DAXX: variants seen among roughly 807,000 people sequenced by gnomAD.
DAXX encodes the protein death domain associated protein.
In DAXX, 24 loss-of-function variants were observed where a neutral mutation model predicts 61.9. The ratio of observed to expected loss-of-function variants is 0.39; its 90% confidence interval spans 0.28 to 0.55. DAXX has a LOEUF of 0.55. Ranked by LOEUF, DAXX falls within the 20% of genes least tolerant of loss-of-function variation. DAXX has a pLI of 0.69. For missense variants in DAXX, 819 were observed against 935.3 expected, an observed-to-expected ratio of 0.88 and a Z score of 1.62; for synonymous variants, 357 against 369.5, an observed-to-expected ratio of 0.97 and a Z score of 0.39.
chr6:33,318,681 C>A lies in DAXX; in HGVS notation c.*62G>T, dbSNP rs377388966. 10 of 740,962 alleles carry A rather than the reference C, an allele frequency of 1.3e-5. No homozygotes were observed. The African/African-American group carries it at 1.8e-4, about 13-fold the overall frequency. 45.9% of individuals were successfully genotyped at this position (740,962 alleles called of 1,614,324 possible). ...AGTCCATCCCTTCCTCAGTCATCTG[C>A]TTCCCACCTTCCTCCAAATGTTATC... On this transcript the variant is annotated 3_prime_UTR_variant, in exon 8 of 8. Coordinates refer to ENST00000374542, the MANE Select transcript of DAXX (RefSeq NM_001141969.2).
Position 33,319,476 on chromosome 6 carries a change from C to T in DAXX, c.1844G>A (p.Gly615Glu). Reference protein sequence around the residue: ...AGMVSSTSFNGGVSPHNWGDS... With the variant: ...AGMVSSTSFNEGVSPHNWGDS... ...TCCCCAGTTGTGAGGAGAGACGCCTCCATTGAAGGAAGTAGAAGAGACCAT... is the reference window on the plus strand; with the variant it reads ...TCCCCAGTTGTGAGGAGAGACGCCTTCATTGAAGGAAGTAGAAGAGACCAT... The change falls in exon 6 of 8, where the codon GGA becomes GAA. Residue 615 changes from glycine to glutamate, a missense_variant. Physicochemically the swap from Gly to Glu is moderately conservative, Grantham distance 98. Coordinates refer to ENST00000374542, the MANE Select transcript of DAXX (RefSeq NM_001141969.2). 6.2e-7 allele frequency: 1 copy of T among 1,613,986 alleles called. No individual in the cohort carries two copies. The highest frequency in any genetic ancestry group is 8.5e-7 in the Non-Finnish European group (1 of 1,180,034).
chr6:33,320,914 C>T lies in DAXX; in HGVS notation c.861G>A (p.Gly287=), dbSNP rs2150994657. 2 of 1,614,186 alleles carry T rather than the reference C, an allele frequency of 1.2e-6. No individual in the cohort carries two copies. The highest frequency in any genetic ancestry group is 1.3e-5 in the African/African-American group (1 of 75,050). ...CCTTCTCTACAGCCCGAAGCACATCCCCATAGTCAGGGAAGGTATCAGGCC... is the reference window on the plus strand; with the variant it reads ...CCTTCTCTACAGCCCGAAGCACATCTCCATAGTCAGGGAAGGTATCAGGCC... ...KPGPDTFPDY[G]DVLRAVEKAA... Residue 287 remains glycine (G), a synonymous_variant, in exon 3 of 8, where the codon GGG becomes GGA. Transcript: ENST00000374542. The surrounding 1 kb of genome is among the most constrained non-coding windows in gnomAD (Gnocchi z 7.1).
chr6:33,319,154 G>T lies in DAXX; in HGVS notation c.2006C>A (p.Pro669Gln). The change falls in exon 7 of 8, where the codon CCA (proline) becomes CAA (glutamine). Residue 669 changes from proline to glutamine, a missense_variant. Physicochemically the swap from Pro to Gln is moderately conservative, Grantham distance 76. Coordinates refer to ENST00000374542, the MANE Select transcript of DAXX (RefSeq NM_001141969.2). ...NGKKICTLPSPPSPLASLAPV... is the reference protein window; with the variant it reads ...NGKKICTLPSQPSPLASLAPV... ...GGCCAAGGAAGCCAAGGGGGAAGGT[G>T]GGCTGGGCAGGGTACATATCTTTTT... The T allele has an allele frequency of 6.2e-7, 1 of 1,614,102 alleles. No individual in the cohort carries two copies. Among genetic ancestry groups the T allele is most frequent in the Non-Finnish European group, 8.5e-7 (1 of 1,179,970 alleles).
At chr6:33,322,673 C>T in intron 1 of DAXX, 189 bp downstream of exon 1, 1 of 377,832 alleles carries the variant, frequency 2.6e-6, no homozygotes, top group Non-Finnish European at 5.1e-6. Flanking sequence ...ACCGTGGGTC[C>T]GGCCGGTCCG....
intron 6 of DAXX, 30 bp downstream of exon 6, chr6:33,319,350 C>A: frequency 6.3e-7 from 1 of 1,593,186 alleles, no homozygotes; most frequent in Admixed American, 1.7e-5. Flanking sequence ...CCCTCCTTGG[C>A]TTCCCTCTTC....
chr6:33,322,526 G>C (rs999919806), intron 1 of DAXX: 2 of 234,850 alleles, frequency 8.5e-6, no homozygotes, highest in Non-Finnish European at 1.7e-5. Context: ...TCAAACTGGG[G>C]CTTTAGGTTG....
chr6:33,320,068 T>C lies in DAXX; in HGVS notation c.1408A>G (p.Met470Val). ...TCATCATCCTCCTGACCCTCCTGCA[T>C]CTGTTCCAGATCCTCCTCCTCTTCA... ...DSEEEEDLEQ[M>V]QEGQEDDEEE... Residue 470 changes from methionine (M) to valine (V), a missense_variant, in exon 5 of 8, where the codon ATG (methionine) becomes GTG (valine). Coordinates refer to ENST00000374542, the MANE Select transcript of DAXX (RefSeq NM_001141969.2). The surrounding 1 kb of genome is among the most constrained non-coding windows in gnomAD (Gnocchi z 7.1). The C allele has an allele frequency of 6.2e-7, 1 of 1,613,538 alleles. No individual in the cohort carries two copies. The highest frequency in any genetic ancestry group is 1.3e-5 in the African/African-American group (1 of 74,996).
At chr6:33,319,905 A>G (rs1770332078) in intron 5 of DAXX, 51 bp from the exon 6 acceptor site, 5 of 1,595,412 alleles carry the variant, frequency 3.1e-6, no homozygotes, top group Non-Finnish European at 3.4e-6. Context: ...GGGGGAAAAA[A>G]TACTGCTGAG....
rs2150994961 is a variant in DAXX, at chr6:33,320,976, C to A, written c.799G>T (p.Val267Phe). ...IPYRGTRYPE[V>F]NRRIERLINK... is the part of the protein sequence containing the mutation. ...ATGAGCCGCTCAATGCGCCTGTTAA[C>A]CTCTGGGTAGCGGGTGCCACGGTAG... is the stretch of plus-strand genomic sequence containing the variant. Residue 267 changes from valine to phenylalanine, a missense_variant, in exon 3 of 8, where the codon GTT becomes TTT. Coordinates refer to ENST00000374542, the MANE Select transcript of DAXX (RefSeq NM_001141969.2). The surrounding 1 kb of genome is among the most constrained non-coding windows in gnomAD (Gnocchi z 7.1). 1 of 1,614,008 alleles carries A rather than the reference C, an allele frequency of 6.2e-7. No homozygotes were observed. Among genetic ancestry groups the A allele is most frequent in the Non-Finnish European group, 8.5e-7 (1 of 1,179,866 alleles).
At position 33,320,454 on chromosome 6, in the gene DAXX, T is replaced by G. The variant is rs1300057326; in HGVS notation, c.1177A>C (p.Lys393Gln). The G allele has an allele frequency of 6.2e-7, 1 of 1,613,850 alleles. No homozygotes were observed. Among genetic ancestry groups the G allele is most frequent in the Non-Finnish European group, 8.5e-7 (1 of 1,179,780 alleles). The change falls in exon 4 of 8, where the codon AAG becomes CAG. Residue 393 changes from lysine (K) to glutamine (Q), a missense_variant. By Grantham distance (53) the Lys-to-Gln change is moderately conservative. Transcript: ENST00000374542. The surrounding 1 kb of genome is among the most constrained non-coding windows in gnomAD (Gnocchi z 7.1). ...QDKSEEGERK[K>Q]RRARLQGTSS... ...GTGCCTTGGAGCCGAGCTCTTCTCT[T>G]TTTTCTCTCGCCCTCCTCACTTTTG...
In DAXX at chr6:33,320,919, A is replaced by G. The variant is rs1770509323; in HGVS notation, c.856T>C (p.Tyr286His). 6.2e-7 allele frequency: 1 copy of G among 1,614,166 alleles called. No homozygotes were observed. Among genetic ancestry groups the G allele is most frequent in the Non-Finnish European group, 8.5e-7 (1 of 1,180,014 alleles). Residue 286 changes from tyrosine to histidine, a missense_variant, in exon 3 of 8, where the codon TAT becomes CAT. Tyr to His is a moderately conservative substitution (Grantham distance 83). Coordinates refer to ENST00000374542, the MANE Select transcript of DAXX (RefSeq NM_001141969.2). The surrounding 1 kb of genome is among the most constrained non-coding windows in gnomAD (Gnocchi z 7.1). Reference sequence around the variant, plus strand: ...TCTACAGCCCGAAGCACATCCCCATAGTCAGGGAAGGTATCAGGCCCTGGC... The same window carrying G: ...TCTACAGCCCGAAGCACATCCCCATGGTCAGGGAAGGTATCAGGCCCTGGC... ...NKPGPDTFPD[Y>H]GDVLRAVEKA...
rs777672159 is a variant in DAXX, at chr6:33,319,358, T to C, written c.1940+22A>G. The C allele has an allele frequency of 5.0e-6, 8 of 1,600,178 alleles. No individual in the cohort carries two copies. In the South Asian group the frequency reaches 6.7e-5, roughly 13 times the overall value. On this transcript the variant is annotated intron_variant, in intron 6 of 7. Coordinates refer to ENST00000374542, the MANE Select transcript of DAXX (RefSeq NM_001141969.2). ...CTGCAATCCCTCCTTGGCTTCCCTC[T>C]TCCTCCTCCTCTTGTTATTACCTGT...
Position 33,319,177 on chromosome 6 carries a change from T to C in DAXX, c.1983A>G (p.Lys661=). Residue 661 remains lysine, a synonymous_variant, in exon 7 of 8, where the codon AAA becomes AAG. Transcript: ENST00000374542. ...RQRSVHEKNG[K]KICTLPSPPS... ...GTGGGCTGGGCAGGGTACATATCTT[T>C]TTCCCATTCTTCTCATGCACTGACC... The C allele has an allele frequency of 6.2e-7, 1 of 1,611,330 alleles. No individual in the cohort carries two copies. Among genetic ancestry groups the C allele is most frequent in the Non-Finnish European group, 8.5e-7 (1 of 1,178,042 alleles).
Position 33,319,651 on chromosome 6 carries a change from G to C in DAXX, c.1669C>G (p.Leu557Val). ...SNGEQPEELTLEEESPVSQLF... is the reference protein window; with the variant it reads ...SNGEQPEELTVEEESPVSQLF... ...TGAGACACAGGGCTTTCTTCCTCCA[G>C]GGTCAGCTCCTCAGGCTGTTCTCCA... Residue 557 changes from leucine to valine, a missense_variant, in exon 6 of 8, where the codon CTG becomes GTG. Leu to Val is a conservative substitution (Grantham distance 32). Coordinates refer to ENST00000374542, the MANE Select transcript of DAXX (RefSeq NM_001141969.2). 2 of 1,614,168 alleles carry C rather than the reference G, an allele frequency of 1.2e-6. No individual in the cohort carries two copies. The highest frequency in any genetic ancestry group is 1.1e-5 in the South Asian group (1 of 91,090).
At position 33,319,164 on chromosome 6, in the gene DAXX, G is replaced by C; in HGVS notation, c.1996C>G (p.Leu666Val). 1 of 1,613,798 alleles carries C rather than the reference G, an allele frequency of 6.2e-7. No homozygotes were observed. Among genetic ancestry groups the C allele is most frequent in the Non-Finnish European group, 8.5e-7 (1 of 1,179,816 alleles). ...HEKNGKKICT[L>V]PSPPSPLASL... ...GCCAAGGGGGAAGGTGGGCTGGGCA[G>C]GGTACATATCTTTTTCCCATTCTTC... Residue 666 changes from leucine to valine, a missense_variant, in exon 7 of 8, where the codon CTG becomes GTG. By Grantham distance (32) the Leu-to-Val change is conservative. Coordinates refer to ENST00000374542, the MANE Select transcript of DAXX (RefSeq NM_001141969.2).
chr6:33,322,866 G>T lies in DAXX; in HGVS notation c.-57C>A. Reference sequence around the variant, plus strand: ...CCCGCACCGTCCGGCCCCCACCTCAGAAACCGTCTCTCGAGGCGACCCTCG... The same window carrying T: ...CCCGCACCGTCCGGCCCCCACCTCATAAACCGTCTCTCGAGGCGACCCTCG... On this transcript the variant is annotated 5_prime_UTR_variant, in exon 1 of 8. In the 5' UTR this introduces an upstream ATG that the reference lacks. Transcript: ENST00000374542. 7.7e-7 allele frequency: 1 copy of T among 1,304,918 alleles called. No individual in the cohort carries two copies. Among genetic ancestry groups the T allele is most frequent in the Non-Finnish European group, 1.1e-6 (1 of 951,134 alleles). 80.8% of individuals were successfully genotyped at this position (1,304,918 alleles called of 1,614,324 possible).
Position 33,319,049 on chromosome 6 carries a change from G to A in DAXX, c.2111C>T (p.Ala704Val), listed in dbSNP as rs769706471. The change falls in exon 7 of 8, where the codon GCC becomes GTC. Residue 704 changes from alanine (A) to valine (V), a missense_variant. By Grantham distance (64) the Ala-to-Val change is moderately conservative. Coordinates refer to ENST00000374542, the MANE Select transcript of DAXX (RefSeq NM_001141969.2). ...TGAATGGGGGGTTTGGGACAGCCGG[G>A]CTGGAGAAGGGATGCAGAGGGAGCT... The part of the protein sequence containing the change: ...VTSSLCIPSP[A>V]RLSQTPHSQP... 6.2e-7 allele frequency: 1 copy of A among 1,613,924 alleles called. No homozygotes were observed. Among genetic ancestry groups the A allele is most frequent in the Admixed American group, 1.7e-5 (1 of 60,024 alleles).
At position 33,321,913 on chromosome 6, in the gene DAXX, T is replaced by C. The variant is rs1219727632; in HGVS notation, c.13A>G (p.Asn5Asp). 2 of 1,607,182 alleles carry C rather than the reference T, an allele frequency of 1.2e-6. No homozygotes were observed. The highest frequency in any genetic ancestry group is 1.9e-4 in the Middle Eastern group (1 of 5,342). Residue 5 changes from asparagine to aspartate, a missense_variant, in exon 2 of 8, where the codon AAC becomes GAC. Physicochemically the swap from Asn to Asp is conservative, Grantham distance 23. Coordinates refer to ENST00000374542, the MANE Select transcript of DAXX (RefSeq NM_001141969.2). The surrounding 1 kb of genome is among the most constrained non-coding windows in gnomAD (Gnocchi z 7.2). MATA[N>D]SIIVLDDDDE... is the part of the protein sequence containing the mutation. ...TCATCATCCAGCACGATGATGCTGT[T>C]AGCGGTGGCCATAGGGGATCAAATC...
At chr6:33,318,914 A>G (rs765240337) in intron 7 of DAXX, 83 bp downstream of exon 7, 51 of 1,344,370 alleles carry the variant, frequency 3.8e-5, no homozygotes, top group Non-Finnish European at 5.2e-5. Context: ...AGGATGTGGC[A>G]CGTGGAATAT....
Sources: allele counts gnomAD v4.1 joint callset, GRCh38; gene constraint gnomAD v4.1.1; non-coding constraint Gnocchi (gnomAD v3.1); transcripts MANE v1.5; gene names NCBI Gene and HGNC (gene_info 2026-07-23, HGNC 2026-07-21).